The following NCK1 variants were observed in gnomAD, a reference collection of about 807,000 sequenced individuals.
NCK1 encodes the protein NCK adaptor protein 1.
In NCK1, 19 loss-of-function variants were observed where a neutral mutation model predicts 36.6. The observed-to-expected ratio is 0.52, with a 90% CI of 0.36 to 0.76. The LOEUF (loss-of-function observed/expected upper bound fraction) is 0.76, where lower values mean the gene tolerates loss of function less well. Ranked by LOEUF, NCK1 falls within the 30% of genes least tolerant of loss-of-function variation. NCK1 has a pLI of 0.00. For missense variants in NCK1, 358 were observed against 445.6 expected (o/e 0.80, Z 1.77); for synonymous variants, 165 against 156.0 (o/e 1.06, Z -0.43).
At chr3:136,874,103 T>C (rs906573717) in intron 1 of NCK1, among the ~76,000 whole-genome samples, 3 of 152,226 alleles carry the variant, frequency 2.0e-5, no homozygotes, top group Non-Finnish European at 4.4e-5. Context: ...TTTTAAAAAA[T>C]TGGACATTTG....
At chr3:136,934,572 C>T (rs1940479923) in intron 2 of NCK1, among the ~76,000 whole-genome samples, 1 of 152,152 alleles carries the variant, frequency 6.6e-6, no homozygotes, top group Non-Finnish European at 1.5e-5. Context: ...AGGTGTGCAC[C>T]ACCGCGCCTG....
In NCK1 at chr3:136,950,552, G is replaced by A. The variant is rs550297253; in HGVS notation, c.*2099G>A. On this transcript the variant is annotated 3_prime_UTR_variant, in exon 4 of 4. Coordinates refer to ENST00000481752, the MANE Select transcript of NCK1 (RefSeq NM_001291999.2). ...TAAATATTTTACCAATTTTTAAAAA[G>A]TCTTAATCCAATGCTTATACCAGTG... Among the ~76,000 whole-genome samples, 1 of 152,262 alleles carries A rather than the reference G, an allele frequency of 6.6e-6. No homozygotes were observed. Among genetic ancestry groups the A allele is most frequent in the East Asian group, 1.9e-4 (1 of 5,186 alleles).
At chr3:136,889,466 C>T (rs534989191) in intron 1 of NCK1, among the ~76,000 whole-genome samples, 1 of 152,072 alleles carries the variant, frequency 6.6e-6, no homozygotes, top group African/African-American at 2.4e-5. Context: ...GCAGTGTGGA[C>T]CCAAAGAGTA....
chr3:136,933,114 A>C (rs1940436842), intron 2 of NCK1, among the ~76,000 whole-genome samples: 1 of 152,252 alleles, frequency 6.6e-6, no homozygotes, highest in Non-Finnish European at 1.5e-5. Flanking sequence ...AGCTTACATG[A>C]GTAAAAAACT....
At chr3:136,922,249 AC>A (rs1940132498) in intron 1 of NCK1, among the ~76,000 whole-genome samples, 1 of 152,234 alleles carries the variant, frequency 6.6e-6, no homozygotes, top group Non-Finnish European at 1.5e-5. Context: ...GGGACTGGGA[AC>A]AAAAGTGAAA....
chr3:136,875,910 T>A (rs1938752877), intron 1 of NCK1, among the ~76,000 whole-genome samples: 1 of 151,282 alleles, frequency 6.6e-6, no homozygotes, highest in African/African-American at 2.4e-5. Flanking sequence ...GAAGTAAAGC[T>A]CTCCTCAGCA....
intron 1 of NCK1, among the ~76,000 whole-genome samples, chr3:136,895,470 G>A (rs1939369678): frequency 6.6e-6 from 1 of 151,778 alleles, no homozygotes; most frequent in African/African-American, 2.4e-5. Flanking sequence ...AAAAAGGTTT[G>A]TCAGAATTTA....
chr3:136,909,209 G>A (rs1289932377), intron 1 of NCK1, among the ~76,000 whole-genome samples: 1 of 152,148 alleles, frequency 6.6e-6, no homozygotes, highest in Non-Finnish European at 1.5e-5. Flanking sequence ...TAAGAGAGAG[G>A]CAGAAGTTAG....
At chr3:136,883,364 C>CTA (rs1224526149) in intron 1 of NCK1, among the ~76,000 whole-genome samples, 83 of 152,244 alleles carry the variant, frequency 5.5e-4, no homozygotes, top group African/African-American at 1.8e-3. Context: ...CTCCTGGAAC[C>CTA]TATGTACTTT....
chr3:136,875,008 A>G (rs552268334), intron 1 of NCK1, among the ~76,000 whole-genome samples: 17 of 152,272 alleles, frequency 1.1e-4, no homozygotes, highest in East Asian at 3.9e-4. Flanking sequence ...GAAATTTCAT[A>G]AGGTTGTAGC....
At chr3:136,918,822 T>C (rs1940033485) in intron 1 of NCK1, among the ~76,000 whole-genome samples, 1 of 152,228 alleles carries the variant, frequency 6.6e-6, no homozygotes, top group South Asian at 2.1e-4. Flanking sequence ...TTCATTCATG[T>C]AACCTTTCTT....
chr3:136,871,007 G>T (rs1447022402), intron 1 of NCK1, among the ~76,000 whole-genome samples: 1 of 152,060 alleles, frequency 6.6e-6, no homozygotes, highest in Non-Finnish European at 1.5e-5. Flanking sequence ...TGTAAATTCT[G>T]CAATAAAGAT....
intron 2 of NCK1, among the ~76,000 whole-genome samples, chr3:136,937,930 A>T (rs894409899): frequency 9.1e-6 from 1 of 110,204 alleles, no homozygotes; most frequent in Non-Finnish European, 1.9e-5. Flanking sequence ...CTTCCAATAC[A>T]ATGTTAAATA....
chr3:136,923,805 T>C (rs1049577707), intron 1 of NCK1, among the ~76,000 whole-genome samples: 1 of 152,224 alleles, frequency 6.6e-6, no homozygotes, highest in Non-Finnish European at 1.5e-5. Flanking sequence ...CCAAATGTTT[T>C]ACATAATTAT....
chr3:136,903,562 T>G (rs1173876622), intron 1 of NCK1, among the ~76,000 whole-genome samples: 7 of 152,058 alleles, frequency 4.6e-5, no homozygotes, highest in African/African-American at 1.7e-4. Flanking sequence ...GTAGCTGGGA[T>G]TACAGGCACC....
chr3:136,903,449 A>C (rs1267325374), intron 1 of NCK1, among the ~76,000 whole-genome samples: 2 of 152,134 alleles, frequency 1.3e-5, no homozygotes, highest in Middle Eastern at 3.2e-3. Context: ...ATTGAGATGG[A>C]GTTTTGCTCT....
At chr3:136,882,888 G>A (rs1039063842) in intron 1 of NCK1, among the ~76,000 whole-genome samples, 1 of 152,184 alleles carries the variant, frequency 6.6e-6, no homozygotes, top group Non-Finnish European at 1.5e-5. Flanking sequence ...TTCACAGCGT[G>A]TGTTGGATTA....
chr3:136,890,739 G>A, intron 1 of NCK1, among the ~76,000 whole-genome samples: 1 of 152,156 alleles, frequency 6.6e-6, no homozygotes, highest in South Asian at 2.1e-4. Context: ...TAAGATATGT[G>A]TAACATAAAA....
rs1454338062 is a variant in NCK1 at position 136,948,960 on chromosome 3, G to A, written c.*507G>A. On this transcript the variant is annotated 3_prime_UTR_variant, in exon 4 of 4. Transcript: ENST00000481752. ...GAAATTATTTCCAGGTATTATATTT[G>A]TCACAGGCCATTGTAAATACCAAGT... The A allele has an allele frequency of 6.6e-6, 1 of 152,314 alleles. No individual in the cohort carries two copies. Among genetic ancestry groups the A allele is most frequent in the Admixed American group, 6.6e-5 (1 of 15,234 alleles). The allele number at this position is 152,314 out of a possible 1,614,324, so 9.4% of individuals were successfully genotyped here.
Sources: allele counts gnomAD v4.1 joint callset (sites outside exome capture counted in the v4.1 genomes callset), GRCh38; gene constraint gnomAD v4.1.1; transcripts MANE v1.5; gene names NCBI Gene and HGNC (gene_info 2026-07-23, HGNC 2026-07-21).